ARHGAP15: variants seen among roughly 807,000 people sequenced by gnomAD.
The protein encoded by ARHGAP15 is rho GTPase-activating protein 15.
A neutral mutation model predicts 63.7 loss-of-function variants in ARHGAP15; 51 were observed. The ratio of observed to expected loss-of-function variants is 0.80; its 90% CI spans 0.64 to 1.01. The LOEUF (loss-of-function observed/expected upper bound fraction) is 1.01. Among genes scored for constraint, ARHGAP15 ranks in the 50% least tolerant of loss-of-function variants. ARHGAP15 has a pLI of 0.00. For synonymous variants in ARHGAP15, 191 were observed against 193.8 expected (o/e 0.99, Z 0.12); for missense variants, 560 against 564.6 (o/e 0.99, Z 0.08).
intron 13 of ARHGAP15, among the ~76,000 whole-genome samples, chr2:143,765,905 C>T (rs1412805915): frequency 6.6e-6 from 1 of 152,100 alleles, no homozygotes; most frequent in Non-Finnish European, 1.5e-5. Flanking sequence ...ACTTCATGGG[C>T]TTGTTATGAT....
chr2:143,305,751 G>GA (rs1683139226), intron 6 of ARHGAP15, among the ~76,000 whole-genome samples: 1 of 151,946 alleles, frequency 6.6e-6, no homozygotes, highest in Non-Finnish European at 1.5e-5. Flanking sequence ...GAACTCTTTG[G>GA]AAAAAATAAA....
chr2:143,573,196 ATTTCT>A (rs1696531341), intron 11 of ARHGAP15, among the ~76,000 whole-genome samples: 1 of 152,170 alleles, frequency 6.6e-6, no homozygotes, highest in Non-Finnish European at 1.5e-5. Context: ...AAAACTTCAC[ATTTCT>A]TATCTGCTAA....
At position 143,462,403 on chromosome 2, in the gene ARHGAP15, C is replaced by A. The variant is rs564958603; in HGVS notation, c.704-24970C>A. On this transcript the variant is annotated intron_variant, in intron 8 of 13. Coordinates refer to ENST00000295095, the MANE Select transcript of ARHGAP15 (RefSeq NM_018460.4). Reference sequence around the variant, plus strand: ...ACTACAAAGAAGAAATGATTCCTGACCATTAAGTCTTCTGCAATGCCATGA... The same window carrying A: ...ACTACAAAGAAGAAATGATTCCTGAACATTAAGTCTTCTGCAATGCCATGA... 1.1e-4 allele frequency among the ~76,000 whole-genome samples: 17 copies of A among 152,174 alleles called. No homozygotes were observed. In the South Asian group the frequency reaches 3.5e-3, roughly 32 times the overall value.
chr2:143,456,398 TTG>T (rs1385004218), intron 8 of ARHGAP15, among the ~76,000 whole-genome samples: 1 of 152,108 alleles, frequency 6.6e-6, no homozygotes, highest in African/African-American at 2.4e-5. Flanking sequence ...GAATTTTCTA[TTG>T]TGTTACATAC....
At chr2:143,280,807 C>A (rs1681801685) in intron 6 of ARHGAP15, among the ~76,000 whole-genome samples, 1 of 152,000 alleles carries the variant, frequency 6.6e-6, no homozygotes, top group Non-Finnish European at 1.5e-5. Flanking sequence ...TCAAACACAT[C>A]CTTAACTACC....
chr2:143,687,988 T>C (rs1308457890), intron 12 of ARHGAP15, among the ~76,000 whole-genome samples: 1 of 152,164 alleles, frequency 6.6e-6, no homozygotes, highest in East Asian at 1.9e-4. Flanking sequence ...ATAATAAATA[T>C]TTATTGAAGT....
intron 12 of ARHGAP15, among the ~76,000 whole-genome samples, chr2:143,630,555 T>C (rs530084843): frequency 1.3e-5 from 2 of 152,218 alleles, no homozygotes; most frequent in East Asian, 3.9e-4. Context: ...TAACTCTAGA[T>C]AATATCTCTA....
chr2:143,260,242 T>C lies in ARHGAP15; in HGVS notation c.474+9642T>C, dbSNP rs576940240. 1.4e-4 allele frequency among the ~76,000 whole-genome samples: 22 copies of C among 152,246 alleles called. No individual in the cohort carries two copies. In the East Asian group the frequency reaches 4.2e-3, roughly 29 times the overall value. ...AATAAAATAGTTAAAATTTAAGAAATTTTGATGATTCTCAAGCATCAGTGT... is the reference window on the plus strand; with the variant it reads ...AATAAAATAGTTAAAATTTAAGAAACTTTGATGATTCTCAAGCATCAGTGT... On this transcript the variant is annotated intron_variant, in intron 6 of 13. Coordinates refer to ENST00000295095, the MANE Select transcript of ARHGAP15 (RefSeq NM_018460.4).
At chr2:143,235,127 G>C (rs1574130936) in intron 5 of ARHGAP15, among the ~76,000 whole-genome samples, 1 of 151,948 alleles carries the variant, frequency 6.6e-6, no homozygotes, top group South Asian at 2.1e-4. Flanking sequence ...ACAATGAACA[G>C]CTTGCTCGTT....
At chr2:143,483,538 A>G (rs1160986117) in intron 8 of ARHGAP15, among the ~76,000 whole-genome samples, 2 of 152,166 alleles carry the variant, frequency 1.3e-5, no homozygotes, top group Non-Finnish European at 2.9e-5. Context: ...TGGACTTGAA[A>G]CCAAAATTGC....
At chr2:143,295,410 G>GA (rs1215758542) in intron 6 of ARHGAP15, 4 of 142,320 alleles carry the variant, frequency 2.8e-5, no homozygotes, top group Non-Finnish European at 6.1e-5. Context: ...TCATCTCAAG[G>GA]AAGTTAGATT....
At chr2:143,450,100 A>AT in intron 8 of ARHGAP15, among the ~76,000 whole-genome samples, 1 of 121,660 alleles carries the variant, frequency 8.2e-6, no homozygotes, top group Non-Finnish European at 1.7e-5. Context: ...TTCATAATTA[A>AT]TCTTTTTTTT....
intron 12 of ARHGAP15, among the ~76,000 whole-genome samples, chr2:143,664,600 A>C (rs1419718311): frequency 4.0e-5 from 6 of 151,282 alleles, no homozygotes; most frequent in African/African-American, 1.5e-4. Context: ...AGACACAAAA[A>C]ACCCTTCAAA....
At chr2:143,673,528 C>A (rs1166192942) in intron 12 of ARHGAP15, among the ~76,000 whole-genome samples, 2 of 151,374 alleles carry the variant, frequency 1.3e-5, no homozygotes. Flanking sequence ...GAACCCCTGA[C>A]CTCCAGTGAT....
chr2:143,598,336 A>C (rs1697608752), intron 11 of ARHGAP15, among the ~76,000 whole-genome samples: 1 of 152,206 alleles, frequency 6.6e-6, no homozygotes, highest in African/African-American at 2.4e-5. Context: ...AATGTGGCTA[A>C]AGGAGTGATC....
intron 5 of ARHGAP15, among the ~76,000 whole-genome samples, chr2:143,243,474 C>A (rs1413114076): frequency 6.6e-6 from 1 of 151,740 alleles, no homozygotes; most frequent in Non-Finnish European, 1.5e-5. Flanking sequence ...TAAGTTTACC[C>A]CAGAAGAAAT....
intron 6 of ARHGAP15, among the ~76,000 whole-genome samples, chr2:143,412,694 T>G (rs1688497437): frequency 6.6e-6 from 1 of 151,944 alleles, no homozygotes; most frequent in Non-Finnish European, 1.5e-5. Context: ...TTGTAGTGAT[T>G]TTTGAATCTG....
chr2:143,234,118 A>G (rs1006061717), intron 5 of ARHGAP15, among the ~76,000 whole-genome samples: 3 of 152,210 alleles, frequency 2.0e-5, no homozygotes, highest in South Asian at 4.1e-4. Context: ...CTCTTTAGGT[A>G]TCTTCCAGTT....
intron 6 of ARHGAP15, among the ~76,000 whole-genome samples, chr2:143,319,997 T>C (rs767386896): frequency 7.0e-6 from 1 of 142,038 alleles, no homozygotes; most frequent in Non-Finnish European, 1.6e-5. Context: ...TTTCTACTTA[T>C]CTACATTTTT....
Sources: allele counts gnomAD v4.1 joint callset (sites outside exome capture counted in the v4.1 genomes callset), GRCh38; gene constraint gnomAD v4.1.1; transcripts MANE v1.5; gene names NCBI Gene and HGNC (gene_info 2026-07-23, HGNC 2026-07-21).